Variants in PRG4 observed in about 807,000 individuals in gnomAD.
PRG4 encodes articular superficial zone protein.
A neutral mutation model predicts 91.2 loss-of-function variants in PRG4; 61 were observed. The ratio of observed to expected loss-of-function variants is 0.67; its 90% CI spans 0.54 to 0.83. PRG4 has a LOEUF of 0.83. Among genes scored for constraint, PRG4 ranks in the 40% least tolerant of loss-of-function variants. PRG4 has a pLI of 0.00. For synonymous variants in PRG4, 576 were observed against 614.2 expected (o/e 0.94, Z 0.92); for missense variants, 1,564 against 1,714.2 (o/e 0.91, Z 1.55).
chr1:186,306,227 A>C, intron 6 of PRG4, 91 bp from the exon 7 acceptor site: 1 of 1,080,270 alleles, frequency 9.3e-7, no homozygotes, highest in Non-Finnish European at 1.3e-6. Context: ...TTAGAAACAC[A>C]CAACTAGTCA....
intron 11 of PRG4, 125 bp from the exon 12 acceptor site, chr1:186,312,644 C>G: frequency 9.6e-7 from 1 of 1,046,186 alleles, no homozygotes; most frequent in Non-Finnish European, 1.5e-6. Flanking sequence ...ATATACCAGT[C>G]TATAACCCTC....
At chr1:186,299,939 C>A in intron 2 of PRG4, 152 bp from the exon 3 acceptor site, 1 of 851,148 alleles carries the variant, frequency 1.2e-6, no homozygotes, top group Non-Finnish European at 1.9e-6. Flanking sequence ...AGACATCAGC[C>A]AAATATCAGC....
At position 186,313,747 on chromosome 1, in the gene PRG4, C is replaced by T; in HGVS notation, c.4184C>T (p.Thr1395Ile). Residue 1395 changes from threonine (T) to isoleucine (I), a missense_variant, in exon 13 of 13, where the codon ACC becomes ATC. Thr to Ile is a moderately conservative substitution (Grantham distance 89, BLOSUM62 -1). Coordinates refer to ENST00000445192, the MANE Select transcript of PRG4 (RefSeq NM_005807.6). ...GCAATTACTACTCGTTCTGGGCAGA[C>T]CTTATCCAAAGTCTGGTACAACTGT... Reference protein sequence around the residue: ...ARAITTRSGQTLSKVWYNCP With the variant: ...ARAITTRSGQILSKVWYNCP 1.2e-6 allele frequency: 2 copies of T among 1,608,784 alleles called. No homozygotes were observed. The highest frequency in any genetic ancestry group is 1.7e-6 in the Non-Finnish European group (2 of 1,175,354).
chr1:186,305,592 T>A (rs1158057024), intron 6 of PRG4, among the ~76,000 whole-genome samples: 5 of 152,116 alleles, frequency 3.3e-5, no homozygotes, highest in Non-Finnish European at 7.3e-5. Flanking sequence ...CTCTAAGAGG[T>A]TGTGATTTCC....
chr1:186,297,233 T>C (rs913181867), intron 2 of PRG4, among the ~76,000 whole-genome samples: 1 of 152,184 alleles, frequency 6.6e-6, no homozygotes, highest in Admixed American at 6.5e-5. Context: ...CAGTTCATCA[T>C]AAAATTATGC....
At chr1:186,311,811 G>T in intron 10 of PRG4, 1 of 608,994 alleles carries the variant, frequency 1.6e-6, no homozygotes, top group Non-Finnish European at 2.8e-6. Flanking sequence ...GAGTTTTCAG[G>T]TCACTGATAG....
In PRG4 at chr1:186,308,975, A is replaced by G. The variant is rs772764391; in HGVS notation, c.3256A>G (p.Lys1086Glu). The change falls in exon 7 of 13, where the codon AAA (lysine) becomes GAA (glutamate). Residue 1086 changes from lysine to glutamate, a missense_variant. Around this residue, in one of 3 missense-constraint regions of PRG4, gnomAD observed 1,079 missense variants for 1,162.2 expected, o/e 0.93. Transcript: ENST00000445192. ...CAGACCTAACCAAACTCCAAACTCC[A>G]AACTAGTTGAAGTAAATCCAAAGAG... ...TTRPNQTPNSKLVEVNPKSED... is the reference protein window; with the variant it reads ...TTRPNQTPNSELVEVNPKSED... 1.2e-6 allele frequency: 2 copies of G among 1,608,548 alleles called. No homozygotes were observed. The highest frequency in any genetic ancestry group is 2.2e-5 in the East Asian group (1 of 44,830).
rs1656900118 is a variant in PRG4 at position 186,308,368 on chromosome 1, A to T, written c.2649A>T (p.Glu883Asp). The T allele has an allele frequency of 6.2e-7, 1 of 1,613,936 alleles. No homozygotes were observed. Among genetic ancestry groups the T allele is most frequent in the Non-Finnish European group, 8.5e-7 (1 of 1,180,040 alleles). The change falls in exon 7 of 13, where the codon GAA (glutamate) becomes GAT (aspartate). Residue 883 changes from glutamate to aspartate, a missense_variant. Glu to Asp is a conservative substitution (Grantham distance 45, BLOSUM62 2). Coordinates refer to ENST00000445192, the MANE Select transcript of PRG4 (RefSeq NM_005807.6). ...AATCAACTCCTGAGCTTTCTGCAGA[A>T]CCCACACCAAAAGCTCTTGAAAACA... The part of the protein sequence containing the change: ...PDESTPELSA[E>D]PTPKALENSP...
chr1:186,304,137 A>G lies in PRG4; in HGVS notation c.349A>G (p.Lys117Glu). The G allele has an allele frequency of 1.2e-6, 2 of 1,614,172 alleles. No homozygotes were observed. The highest frequency in any genetic ancestry group is 8.5e-7 in the Non-Finnish European group (1 of 1,180,000). The stretch of plus-strand genomic sequence containing the variant: ...TAATCCCACATCACCACCATCTTCA[A>G]AGAAAGCACCTCCACCTTCAGGAGC... ...VHNPTSPPSS[K>E]KAPPPSGASQ... Residue 117 changes from lysine to glutamate, a missense_variant, in exon 5 of 13, where the codon AAG becomes GAG. Physicochemically the swap from Lys to Glu is moderately conservative, Grantham distance 56. Around this residue, in one of 3 missense-constraint regions of PRG4, gnomAD observed 437 missense variants for 459.0 expected, o/e 0.95. Transcript: ENST00000445192.
At chr1:186,311,709 A>G in intron 10 of PRG4, 113 bp downstream of exon 10, 1 of 1,168,474 alleles carries the variant, frequency 8.6e-7, no homozygotes, top group Non-Finnish European at 1.2e-6. Flanking sequence ...GAAATCAAAT[A>G]TTTTCAGTGA....
At chr1:186,302,140 C>A (rs1029103425) in intron 4 of PRG4, among the ~76,000 whole-genome samples, 1 of 152,194 alleles carries the variant, frequency 6.6e-6, no homozygotes. Flanking sequence ...AGGACATAAG[C>A]AACACTTTCA....
Position 186,311,462 on chromosome 1 carries a change from C to A in PRG4, c.3659C>A (p.Thr1220Asn), listed in dbSNP as rs770892416. 1.2e-6 allele frequency: 2 copies of A among 1,613,484 alleles called. No homozygotes were observed. The highest frequency in any genetic ancestry group is 1.1e-5 in the South Asian group (1 of 91,030). ...FFKDSQYWRF[T>N]NDIKDAGYPK... ...CAGGATTCTCAGTACTGGCGTTTTACCAATGATATAAAAGATGCAGGGTAC... is the reference window on the plus strand; with the variant it reads ...CAGGATTCTCAGTACTGGCGTTTTAACAATGATATAAAAGATGCAGGGTAC... Residue 1220 changes from threonine to asparagine, a missense_variant, in exon 10 of 13, where the codon ACC becomes AAC. Around this residue, in one of 3 missense-constraint regions of PRG4, gnomAD observed 1,079 missense variants for 1,162.2 expected, o/e 0.93. Coordinates refer to ENST00000445192, the MANE Select transcript of PRG4 (RefSeq NM_005807.6).
intron 2 of PRG4, among the ~76,000 whole-genome samples, chr1:186,297,985 A>G (rs1655964987): frequency 6.6e-6 from 1 of 152,218 alleles, no homozygotes; most frequent in African/African-American, 2.4e-5. Context: ...AAGGTTCACA[A>G]CACTGGGGGC....
intron 12 of PRG4, 128 bp downstream of exon 12, chr1:186,313,022 C>T: frequency 9.6e-7 from 1 of 1,036,466 alleles, no homozygotes; most frequent in Non-Finnish European, 1.5e-6. Context: ...ATTCTAATTG[C>T]TGTGGAAAAG....
chr1:186,303,814 T>C (rs1656372581), intron 4 of PRG4, among the ~76,000 whole-genome samples: 1 of 152,242 alleles, frequency 6.6e-6, no homozygotes, highest in South Asian at 2.1e-4. Flanking sequence ...AAGTTCAAGA[T>C]AATTATTTGC....
At chr1:186,304,312 G>A (rs1481823893) in intron 5 of PRG4, 55 bp downstream of exon 5, 4 of 1,548,892 alleles carry the variant, frequency 2.6e-6, no homozygotes, top group Non-Finnish European at 3.6e-6. Context: ...GTAACTTGTA[G>A]GTGACTGCTT....
intron 6 of PRG4, 150 bp downstream of exon 6, chr1:186,305,072 T>C: frequency 2.1e-6 from 2 of 970,224 alleles, no homozygotes; most frequent in Non-Finnish European, 3.0e-6. Context: ...ACCAAATGAA[T>C]ACTTCCTACA....
chr1:186,304,937 A>G lies in PRG4; in HGVS notation c.598+15A>G. ...GAAACTCAAAGGTTTGAGCATTGATAAAGATCAAAGACTGTATCAATGCCA... is the reference window on the plus strand; with the variant it reads ...GAAACTCAAAGGTTTGAGCATTGATGAAGATCAAAGACTGTATCAATGCCA... On this transcript the variant is annotated intron_variant, in intron 6 of 12. Coordinates refer to ENST00000445192, the MANE Select transcript of PRG4 (RefSeq NM_005807.6). The G allele has an allele frequency of 1.2e-6, 2 of 1,611,114 alleles. No individual in the cohort carries two copies. Among genetic ancestry groups the G allele is most frequent in the Non-Finnish European group, 8.5e-7 (1 of 1,177,822 alleles).
At position 186,304,044 on chromosome 1, in the gene PRG4, TCA is replaced by T. The variant is rs1213080546; in HGVS notation, c.320-61_320-60del. The T allele has an allele frequency of 1.0e-5, 16 of 1,565,946 alleles. No homozygotes were observed. The East Asian group carries it at 1.6e-4, about 15-fold the overall frequency. On this transcript the variant is annotated intron_variant, in intron 4 of 12. Transcript: ENST00000445192. ...TTGAAGCTAGATGCATCTGTGCTTT[TCA>T]CAGTTAGAGCTGCTGATGAACATAA...
Sources: gnomAD v4.1 joint callset for allele counts (sites outside exome capture counted in the v4.1 genomes callset) on GRCh38, gnomAD v4.1.1 for gene constraint, gnomAD v4.1.1 regional missense constraint, MANE v1.5 for transcripts, NCBI Gene and HGNC (gene_info 2026-07-23, HGNC 2026-07-21) for gene names.